ADAM7: variants seen among roughly 807,000 people sequenced by gnomAD.
ADAM7 encodes the protein ADAM metallopeptidase domain 7.
ADAM7 carries 97 observed loss-of-function variants against 102.9 expected under a neutral mutation model. That is an observed-to-expected ratio of 0.94 (90% confidence interval 0.80 to 1.12). The LOEUF is 1.12. Ranked by LOEUF, ADAM7 falls within the 50% of genes most tolerant of loss-of-function variation. The pLI is 0.00. For synonymous variants in ADAM7, 334 were observed against 304.4 expected (o/e 1.10, Z -1.01); for missense variants, 991 against 908.7 (o/e 1.09, Z -1.16).
intron 17 of ADAM7, among the ~76,000 whole-genome samples, chr8:24,499,838 A>T (rs74401321): frequency 0.015 from 2,118 of 144,398 alleles, 48 homozygotes; most frequent in African/African-American, 0.054. Flanking sequence ...ATCACACATC[A>T]CACACACACA....
chr8:24,493,420 G>A (rs1391080513), intron 16 of ADAM7, among the ~76,000 whole-genome samples, 191 bp downstream of exon 16: 2 of 152,098 alleles, frequency 1.3e-5, no homozygotes, highest in African/African-American at 4.8e-5. Context: ...TTTTAGTCAT[G>A]CCAAATGACC....
At position 24,442,487 on chromosome 8, in the gene ADAM7, G is replaced by A; in HGVS notation, c.67G>A (p.Gly23Arg). 1 of 1,613,434 alleles carries A rather than the reference G, an allele frequency of 6.2e-7. No homozygotes were observed. Among genetic ancestry groups the A allele is most frequent in the Non-Finnish European group, 8.5e-7 (1 of 1,179,410 alleles). Residue 23 changes from glycine (G) to arginine (R), a missense_variant, in exon 2 of 22, where the codon GGA becomes AGA. Coordinates refer to ENST00000175238, the MANE Select transcript of ADAM7 (RefSeq NM_003817.4). ...TTTCCTCGTAGAAAAGTTCATCCTT[G>A]GAGTAGAGGGTCAACAACTGGTTCG... Reference protein sequence around the residue: ...IPQVKEKFILGVEGQQLVRPK... With the variant: ...IPQVKEKFILRVEGQQLVRPK...
chr8:24,480,437 T>G (rs1387566248), intron 8 of ADAM7, among the ~76,000 whole-genome samples: 1 of 152,156 alleles, frequency 6.6e-6, no homozygotes, highest in Non-Finnish European at 1.5e-5. Flanking sequence ...TTTTATTATG[T>G]CTTCACCCCT....
chr8:24,480,308 T>C (rs1311297919), intron 8 of ADAM7, among the ~76,000 whole-genome samples: 1 of 152,152 alleles, frequency 6.6e-6, no homozygotes, highest in East Asian at 1.9e-4. Context: ...AAACAAACAA[T>C]TTAAGCTAAC....
At chr8:24,507,402 C>A (rs746997472) in intron 20 of ADAM7, 78 bp from the exon 21 acceptor site, 5 of 1,169,646 alleles carry the variant, frequency 4.3e-6, no homozygotes, top group Non-Finnish European at 6.4e-6. Context: ...TATGTGTGCA[C>A]ATGCATGTCT....
intron 12 of ADAM7, among the ~76,000 whole-genome samples, chr8:24,489,999 T>C (rs962204249): frequency 3.9e-5 from 6 of 152,130 alleles, no homozygotes; most frequent in African/African-American, 1.2e-4. Flanking sequence ...ATTCAGTAAG[T>C]ATGGAGTGGT....
chr8:24,478,157 G>A (rs1492398), intron 8 of ADAM7, among the ~76,000 whole-genome samples: 3,129 of 152,248 alleles, frequency 0.021, 122 homozygotes, highest in African/African-American at 0.072. Flanking sequence ...TCAGAATGAG[G>A]AAATCAGGCC....
At chr8:24,499,710 T>A (rs549870797) in intron 17 of ADAM7, among the ~76,000 whole-genome samples, 1 of 151,986 alleles carries the variant, frequency 6.6e-6, no homozygotes, top group Non-Finnish European at 1.5e-5. Context: ...TACAAAATAA[T>A]ATATTAACAC....
intron 8 of ADAM7, among the ~76,000 whole-genome samples, chr8:24,481,053 C>A (rs138420904): frequency 1.4e-5 from 2 of 147,884 alleles, no homozygotes; most frequent in South Asian, 2.2e-4. Context: ...CAGAATGAGA[C>A]CCTGTCTCAA....
intron 3 of ADAM7, among the ~76,000 whole-genome samples, chr8:24,447,550 T>C (rs1411227935): frequency 1.3e-5 from 2 of 152,150 alleles, no homozygotes; most frequent in Admixed American, 6.5e-5. Flanking sequence ...TACATTACTG[T>C]GTTGGGAATC....
At chr8:24,486,931 A>G (rs1820163752) in intron 10 of ADAM7, among the ~76,000 whole-genome samples, 1 of 152,216 alleles carries the variant, frequency 6.6e-6, no homozygotes. Context: ...AAATTGAACA[A>G]TGACTATCAC....
At chr8:24,480,156 C>T (rs1478005761) in intron 8 of ADAM7, among the ~76,000 whole-genome samples, 1 of 152,164 alleles carries the variant, frequency 6.6e-6, no homozygotes, top group African/African-American at 2.4e-5. Flanking sequence ...TATCACTTCC[C>T]TAGCATTGAC....
At chr8:24,463,262 C>T (rs778678472) in intron 3 of ADAM7, among the ~76,000 whole-genome samples, 11 of 151,958 alleles carry the variant, frequency 7.2e-5, no homozygotes, top group Non-Finnish European at 1.3e-4. Flanking sequence ...AAGAAGTGGC[C>T]ATGGGTAGTC....
intron 3 of ADAM7, among the ~76,000 whole-genome samples, chr8:24,461,369 G>A (rs867817291): frequency 6.6e-6 from 1 of 152,056 alleles, no homozygotes; most frequent in South Asian, 2.1e-4. Flanking sequence ...CTAATGGAAT[G>A]TTAATGGTTG....
chr8:24,478,377 C>G (rs116623616), intron 8 of ADAM7, among the ~76,000 whole-genome samples: 1,736 of 152,238 alleles, frequency 0.011, 33 homozygotes, highest in African/African-American at 0.04. Flanking sequence ...CTTCAAATTA[C>G]TAGACTTGTT....
intron 7 of ADAM7, among the ~76,000 whole-genome samples, chr8:24,475,123 T>A (rs1819726660): frequency 1.3e-5 from 2 of 152,148 alleles, no homozygotes; most frequent in Non-Finnish European, 2.9e-5. Context: ...AATGTCTGAA[T>A]CCTGGGAAAC....
chr8:24,480,614 A>G (rs1050897706), intron 8 of ADAM7, among the ~76,000 whole-genome samples: 1 of 152,196 alleles, frequency 6.6e-6, no homozygotes, highest in African/African-American at 2.4e-5. Context: ...AGGACAAATA[A>G]TATTTCCGTT....
intron 9 of ADAM7, among the ~76,000 whole-genome samples, chr8:24,483,645 G>A (rs1453141250): frequency 1.3e-5 from 2 of 152,050 alleles, no homozygotes; most frequent in Non-Finnish European, 2.9e-5. Flanking sequence ...AGCATATATC[G>A]CCAGAGGCAT....
intron 3 of ADAM7, among the ~76,000 whole-genome samples, chr8:24,453,744 C>T (rs1001596835): frequency 6.6e-6 from 1 of 152,134 alleles, no homozygotes; most frequent in Non-Finnish European, 1.5e-5. Context: ...ATAGAGTTTC[C>T]AGTTTTTCTG....
Sources: gnomAD v4.1 joint callset for allele counts (sites outside exome capture counted in the v4.1 genomes callset) on GRCh38, gnomAD v4.1.1 for gene constraint, MANE v1.5 for transcripts, NCBI Gene and HGNC (gene_info 2026-07-23, HGNC 2026-07-21) for gene names.